PAMR1: variants seen among roughly 807,000 people sequenced by gnomAD.
PAMR1 encodes the protein inactive serine protease PAMR1.
PAMR1 carries 88 observed loss-of-function variants against 81.8 expected under a neutral mutation model. The ratio of observed to expected loss-of-function variants is 1.08; its 90% CI spans 0.91 to 1.28. The LOEUF (loss-of-function observed/expected upper bound fraction) is 1.28. PAMR1 is among the 50% of genes most tolerant of loss of function. The pLI, the probability that PAMR1 is intolerant of heterozygous loss-of-function variation, is 0.00. For synonymous variants in PAMR1, 336 were observed against 345.3 expected, an observed-to-expected ratio of 0.97 and a Z score of 0.30; for missense variants, 935 against 919.7, an observed-to-expected ratio of 1.02 and a Z score of -0.21.
chr11:35,489,799 C>A (rs1850583468), intron 3 of PAMR1, among the ~76,000 whole-genome samples: 1 of 152,184 alleles, frequency 6.6e-6, no homozygotes. Context: ...GAAACCTTAC[C>A]TCCCTCTCCC....
At chr11:35,442,687 CT>C (rs1234615333) in intron 6 of PAMR1, among the ~76,000 whole-genome samples, 1 of 152,022 alleles carries the variant, frequency 6.6e-6, no homozygotes, top group Non-Finnish European at 1.5e-5. Flanking sequence ...TCTTGGCTCA[CT>C]GCAAACTCCA....
chr11:35,442,685 C>T (rs1297489473), intron 6 of PAMR1, among the ~76,000 whole-genome samples: 1 of 151,926 alleles, frequency 6.6e-6, no homozygotes, highest in Non-Finnish European at 1.5e-5. Flanking sequence ...AATCTTGGCT[C>T]ACTGCAAACT....
chr11:35,502,891 G>C (rs1850878320), intron 1 of PAMR1, among the ~76,000 whole-genome samples: 1 of 152,028 alleles, frequency 6.6e-6, no homozygotes, highest in Admixed American at 6.6e-5. Flanking sequence ...CTGTGCTTTT[G>C]ACGTTTTCCC....
chr11:35,470,421 C>G (rs1337005677), intron 5 of PAMR1, among the ~76,000 whole-genome samples, 180 bp downstream of exon 5: 1 of 152,150 alleles, frequency 6.6e-6, no homozygotes, highest in Non-Finnish European at 1.5e-5. Context: ...AGTTCTGGTT[C>G]TGAGTGAGTT....
At chr11:35,451,847 GAGGATAC>G in intron 6 of PAMR1, 1 of 691,276 alleles carries the variant, frequency 1.4e-6, no homozygotes, top group South Asian at 1.6e-5. Context: ...TCTGCCACAT[GAGGATAC>G]AGCAAGAAGT....
intron 6 of PAMR1, among the ~76,000 whole-genome samples, chr11:35,442,589 CT>C (rs561367260): frequency 1.6e-4 from 24 of 151,120 alleles, no homozygotes; most frequent in Admixed American, 7.3e-4. Flanking sequence ...TTTCTTTTTT[CT>C]TTTTTTTTCT....
intron 9 of PAMR1, among the ~76,000 whole-genome samples, chr11:35,435,611 C>T (rs767949766): frequency 5.3e-5 from 8 of 152,102 alleles, no homozygotes; most frequent in Non-Finnish European, 1.0e-4. Context: ...TAACTTGAGG[C>T]CCTCTGGCAC....
chr11:35,466,073 A>AC (rs1555035808), intron 6 of PAMR1, among the ~76,000 whole-genome samples: 10,666 of 146,250 alleles, frequency 0.073, 1,241 homozygotes, highest in African/African-American at 0.25. Context: ...TTCCAATTCT[A>AC]TTTTTTTTTT....
Position 35,434,601 on chromosome 11 carries a change from T to C in PAMR1, c.1537A>G (p.Thr513Ala), listed in dbSNP as rs142129952. ...AHCVTDLGKV[T>A]MIKTADLKVV... ...TTCAGGTCTGCTGTCTTGATCATGG[T>C]GACCTTCCCCAGGTCAGTAACACAG... Residue 513 changes from threonine (T) to alanine (A), a missense_variant, in exon 10 of 11, where the codon ACC becomes GCC. Coordinates refer to ENST00000619888, the MANE Select transcript of PAMR1 (RefSeq NM_001001991.3). The C allele has an allele frequency of 3.4e-4, 546 of 1,614,100 alleles. No individual in the cohort carries two copies. The highest frequency in any genetic ancestry group is 1.7e-5 in the Admixed American group (1 of 60,006).
At chr11:35,457,917 G>A (rs1856568864) in intron 6 of PAMR1, among the ~76,000 whole-genome samples, 1 of 152,080 alleles carries the variant, frequency 6.6e-6, no homozygotes, top group Admixed American at 6.5e-5. Context: ...TTTGTTGAAG[G>A]ATGATGAGAT....
chr11:35,486,631 C>A (rs886325689), intron 3 of PAMR1, among the ~76,000 whole-genome samples: 1 of 152,214 alleles, frequency 6.6e-6, no homozygotes, highest in Non-Finnish European at 1.5e-5. Flanking sequence ...CAATGAGGCT[C>A]CATAAACAGC....
At chr11:35,452,295 A>G (rs1367300826) in intron 6 of PAMR1, among the ~76,000 whole-genome samples, 1 of 152,236 alleles carries the variant, frequency 6.6e-6, no homozygotes, top group Non-Finnish European at 1.5e-5. Context: ...AGATGGCTTA[A>G]AAAAACTCAG....
At position 35,492,094 on chromosome 11, in the gene PAMR1, C is replaced by T. The variant is rs762321464; in HGVS notation, c.330G>A (p.Gly110=). 1.3e-5 allele frequency: 21 copies of T among 1,614,106 alleles called. No individual in the cohort carries two copies. In the East Asian group the frequency reaches 4.2e-4, roughly 33 times the overall value. ...CTGCTCGGCACTCTGCACAGTAGAA[C>T]CCCTTCACATAGAAGTCATCCAAGG... ...GGTLDDFYVK[G]FYCAECRAGW... The change falls in exon 3 of 11, where the codon GGG becomes GGA. Residue 110 remains glycine (G), a synonymous_variant. Transcript: ENST00000619888.
At chr11:35,502,723 A>G (rs1850873074) in intron 1 of PAMR1, among the ~76,000 whole-genome samples, 1 of 152,132 alleles carries the variant, frequency 6.6e-6, no homozygotes, top group Non-Finnish European at 1.5e-5. Context: ...AGCACATTGT[A>G]TCTTCTGCTT....
At chr11:35,433,928 C>G (rs1855974681) in intron 10 of PAMR1, among the ~76,000 whole-genome samples, 1 of 152,068 alleles carries the variant, frequency 6.6e-6, no homozygotes, top group Non-Finnish European at 1.5e-5. Context: ...GGGAGGGAGT[C>G]AGGGAAAGAC....
intron 3 of PAMR1, among the ~76,000 whole-genome samples, chr11:35,488,208 T>C (rs1459529104): frequency 6.1e-5 from 9 of 147,774 alleles, no homozygotes; most frequent in African/African-American, 1.8e-4. Context: ...TTTTTTTTTT[T>C]TTTTTTTTTT....
At chr11:35,477,765 A>C (rs1850308944) in intron 3 of PAMR1, among the ~76,000 whole-genome samples, 1 of 152,098 alleles carries the variant, frequency 6.6e-6, no homozygotes, top group South Asian at 2.1e-4. Context: ...CTGATATGTT[A>C]AACTGTCTTA....
chr11:35,517,558 T>C (rs576984030), intron 1 of PAMR1, among the ~76,000 whole-genome samples: 1 of 152,352 alleles, frequency 6.6e-6, no homozygotes, highest in Non-Finnish European at 1.5e-5. Context: ...GTCAAACAAC[T>C]TTGTGAAATA....
chr11:35,434,400 G>A, intron 10 of PAMR1, 112 bp downstream of exon 10: 2 of 1,015,272 alleles, frequency 2.0e-6, no homozygotes, highest in Non-Finnish European at 3.0e-6. Context: ...GCGAGGCTCT[G>A]GGCTGGCTGC....
Sources: allele counts gnomAD v4.1 joint callset (sites outside exome capture counted in the v4.1 genomes callset), GRCh38; gene constraint gnomAD v4.1.1; transcripts MANE v1.5; gene names NCBI Gene and HGNC (gene_info 2026-07-23, HGNC 2026-07-21).